Variants in HDAC9 observed in about 807,000 individuals in gnomAD.
The protein encoded by HDAC9 is histone deacetylase 9, also known as MEF-2 interacting transcription repressor (MITR) protein.
HDAC9 carries 41 observed loss-of-function variants against 139.4 expected under a neutral mutation model. The observed-to-expected ratio is 0.29, with a 90% CI of 0.23 to 0.38. The LOEUF (loss-of-function observed/expected upper bound fraction) is 0.38. Ranked by LOEUF, HDAC9 falls within the 10% of genes least tolerant of loss-of-function variation. The probability of loss-of-function intolerance (pLI) is 1.00; values close to 1 mark genes in which losing one functional copy is unlikely to be tolerated. For synonymous variants in HDAC9, 517 were observed against 476.2 expected, an observed-to-expected ratio of 1.09 and a Z score of -1.12; for missense variants, 1,147 against 1,297.0, an observed-to-expected ratio of 0.88 and a Z score of 1.78.
At chr7:18,211,204 T>C (rs967070746) in intron 2 of HDAC9, among the ~76,000 whole-genome samples, 13 of 152,248 alleles carry the variant, frequency 8.5e-5, no homozygotes, top group African/African-American at 2.9e-4. Flanking sequence ...AAAGCTCTTA[T>C]TGAGCTGTGC....
chr7:18,706,619 G>C (rs1783942099), intron 12 of HDAC9, among the ~76,000 whole-genome samples: 1 of 152,174 alleles, frequency 6.6e-6, no homozygotes, highest in South Asian at 2.1e-4. Context: ...CAACCTGGGA[G>C]GACTTTGTCC....
chr7:18,293,864 C>G (rs554807873), intron 1 of HDAC9, among the ~76,000 whole-genome samples: 1 of 152,128 alleles, frequency 6.6e-6, no homozygotes, highest in South Asian at 2.1e-4. Flanking sequence ...CATTATGTCA[C>G]TGCTATTATT....
At chr7:18,481,062 T>C (rs181938754) in intron 1 of HDAC9, among the ~76,000 whole-genome samples, 1 of 152,270 alleles carries the variant, frequency 6.6e-6, no homozygotes, top group Admixed American at 6.5e-5. Context: ...CCCGCTTCAC[T>C]GTCCTCTCTA....
chr7:18,725,647 T>C (rs981633218), intron 12 of HDAC9, among the ~76,000 whole-genome samples: 8 of 152,022 alleles, frequency 5.3e-5, no homozygotes, highest in Non-Finnish European at 1.2e-4. Context: ...AGGGAGGAGA[T>C]GGATATTACA....
At chr7:18,349,129 T>A (rs989444505) in intron 1 of HDAC9, among the ~76,000 whole-genome samples, 2 of 152,068 alleles carry the variant, frequency 1.3e-5, no homozygotes, top group Non-Finnish European at 2.9e-5. Context: ...AGAGTAAAAT[T>A]CAGCTTCTTT....
intron 19 of HDAC9, among the ~76,000 whole-genome samples, chr7:18,834,372 A>G (rs1796071660): frequency 6.6e-6 from 1 of 151,610 alleles, no homozygotes; most frequent in Non-Finnish European, 1.5e-5. Flanking sequence ...AAGCATATTA[A>G]TTGAGGTGTT....
chr7:18,382,155 T>C (rs1440052942), intron 1 of HDAC9, among the ~76,000 whole-genome samples: 2 of 152,098 alleles, frequency 1.3e-5, no homozygotes, highest in Non-Finnish European at 2.9e-5. Flanking sequence ...AAATATGTTC[T>C]ATATCTATTC....
At chr7:18,135,988 T>C (rs113755804) in intron 1 of HDAC9, among the ~76,000 whole-genome samples, 3,508 of 130,454 alleles carry the variant, frequency 0.027, 26 homozygotes, top group Admixed American at 0.039. Flanking sequence ...TTTTAATGAT[T>C]GCCATTCTAA....
intron 1 of HDAC9, among the ~76,000 whole-genome samples, chr7:18,121,121 T>C (rs575763756): frequency 2.6e-5 from 4 of 152,336 alleles, no homozygotes; most frequent in African/African-American, 9.6e-5. Context: ...AGGAAGGTTA[T>C]TGGAATGTAA....
intron 1 of HDAC9, among the ~76,000 whole-genome samples, chr7:18,345,319 A>G (rs1327747570): frequency 6.6e-6 from 1 of 152,016 alleles, no homozygotes; most frequent in East Asian, 1.9e-4. Flanking sequence ...TTAGTTCTTC[A>G]TTGCTTTCAG....
intron 1 of HDAC9, among the ~76,000 whole-genome samples, chr7:18,398,276 G>A (rs1002345445): frequency 6.6e-6 from 1 of 152,048 alleles, no homozygotes; most frequent in African/African-American, 2.4e-5. Flanking sequence ...ATTTAATAAT[G>A]AACAATATCA....
At chr7:18,270,379 A>G (rs530958789) in intron 2 of HDAC9, among the ~76,000 whole-genome samples, 30 of 152,184 alleles carry the variant, frequency 2.0e-4, no homozygotes, top group African/African-American at 7.2e-4. Context: ...TGTTATTGGT[A>G]GAACAGGCAT....
At chr7:18,270,917 AATTTT>A (rs1796314323) in intron 2 of HDAC9, among the ~76,000 whole-genome samples, 1 of 152,154 alleles carries the variant, frequency 6.6e-6, no homozygotes, top group South Asian at 2.1e-4. Context: ...TTTTCCCTTT[AATTTT>A]ATTATTCGAT....
At chr7:18,283,592 C>T (rs987815635) in intron 2 of HDAC9, among the ~76,000 whole-genome samples, 8 of 152,108 alleles carry the variant, frequency 5.3e-5, no homozygotes, top group Non-Finnish European at 1.0e-4. Flanking sequence ...TGTGAGTACC[C>T]GTGGCCCAAT....
At chr7:18,938,777 T>G (rs2129312794) in intron 23 of HDAC9, among the ~76,000 whole-genome samples, 2 of 152,324 alleles carry the variant, frequency 1.3e-5, no homozygotes, top group Non-Finnish European at 2.9e-5. Flanking sequence ...ATTAATAATC[T>G]ACTGCATATT....
rs2128704108 is a variant in HDAC9 at position 18,372,962 on chromosome 7, A to T, written c.-42+82447A>T. ...AGTCATTTGTCTGATACTTGTTCAG[A>T]CTTGGAGTCAAAAGACTTGAGTTTT... On this transcript the variant is annotated intron_variant, in intron 1 of 3. Transcript: ENST00000413509. Among the ~76,000 whole-genome samples, 3 of 152,304 alleles carry T rather than the reference A, an allele frequency of 2.0e-5. No individual in the cohort carries two copies. The South Asian group carries it at 6.2e-4, about 32-fold the overall frequency.
intron 1 of HDAC9, among the ~76,000 whole-genome samples, chr7:18,474,257 G>C (rs1240317393): frequency 6.6e-6 from 1 of 152,192 alleles, no homozygotes; most frequent in African/African-American, 2.4e-5. Flanking sequence ...GGAGTTCTTA[G>C]TACTATTCTT....
At chr7:18,099,905 C>T (rs144659301) in intron 1 of HDAC9, among the ~76,000 whole-genome samples, 3 of 152,210 alleles carry the variant, frequency 2.0e-5, no homozygotes, top group Non-Finnish European at 4.4e-5. Flanking sequence ...TGTATTTACT[C>T]GAGTAGTTAC....
At chr7:18,830,294 T>C (rs1294997853) in intron 19 of HDAC9, among the ~76,000 whole-genome samples, 4 of 152,182 alleles carry the variant, frequency 2.6e-5, no homozygotes, top group Non-Finnish European at 5.9e-5. Context: ...ATGAGCCCCG[T>C]TTTCAGTTTG....
Sources: gnomAD v4.1 joint callset for allele counts (sites outside exome capture counted in the v4.1 genomes callset) on GRCh38, gnomAD v4.1.1 for gene constraint, MANE v1.5 for transcripts, NCBI Gene and HGNC (gene_info 2026-07-23, HGNC 2026-07-21) for gene names.